The following GALNT1 variants were observed in gnomAD, a reference collection of about 807,000 sequenced individuals.
GALNT1 encodes the protein GalNAc transferase 1.
Under a neutral mutation model 65.7 loss-of-function variants are expected in GALNT1, and 17 were observed. That is an observed-to-expected ratio of 0.26 (90% CI 0.18 to 0.39). The LOEUF (loss-of-function observed/expected upper bound fraction) is 0.39. Ranked by LOEUF, GALNT1 falls within the 10% of genes least tolerant of loss-of-function variation. The probability of loss-of-function intolerance (pLI) is 1.00; values close to 1 mark genes in which losing one functional copy is unlikely to be tolerated. For synonymous variants in GALNT1, 210 were observed against 219.7 expected (o/e 0.96, Z 0.39); for missense variants, 460 against 672.8 (o/e 0.68, Z 3.50).
chr18:35,642,971 A>T (rs1196264566), intron 1 of GALNT1, among the ~76,000 whole-genome samples: 1 of 151,854 alleles, frequency 6.6e-6, no homozygotes, highest in Non-Finnish European at 1.5e-5. Context: ...GGGCAGTGTG[A>T]CTGAGCGCAG....
chr18:35,687,748 A>G (rs974329779), intron 6 of GALNT1, among the ~76,000 whole-genome samples: 4 of 151,340 alleles, frequency 2.6e-5, no homozygotes, highest in Non-Finnish European at 5.9e-5. Context: ...TTTTTTCAGG[A>G]TGGAATAAAA....
intron 4 of GALNT1, among the ~76,000 whole-genome samples, chr18:35,679,696 G>A (rs2047760663): frequency 6.6e-6 from 1 of 152,098 alleles, no homozygotes. Context: ...CCGGTATCTG[G>A]GAGACAGTAG....
At chr18:35,598,315 G>A (rs927857467) in intron 1 of GALNT1, among the ~76,000 whole-genome samples, 5 of 151,866 alleles carry the variant, frequency 3.3e-5, no homozygotes, top group Admixed American at 1.3e-4. Flanking sequence ...GATTACAGGC[G>A]TGAGCCACTG....
rs16966925 is a variant in GALNT1 at position 35,626,152 on chromosome 18, G to A, written c.-103-28408G>A. On this transcript the variant is annotated intron_variant, in intron 1 of 11. Transcript: ENST00000269195. ...TTCTCTTTTTTGTGCGCTATAGCCC[G>A]TCACAACTCTCGGCATCTTTTGCAA... 2.9e-3 allele frequency among the ~76,000 whole-genome samples: 438 copies of A among 152,188 alleles called. 2 individuals carry two copies. Among genetic ancestry groups the A allele is most frequent in the African/African-American group, 0.01 (420 of 41,526 alleles).
At chr18:35,614,029 A>T (rs1047557954) in intron 1 of GALNT1, among the ~76,000 whole-genome samples, 1 of 152,214 alleles carries the variant, frequency 6.6e-6, no homozygotes, top group Admixed American at 6.5e-5. Flanking sequence ...TTCACAATTT[A>T]AAAAACCAAA....
chr18:35,695,673 C>T (rs895158401), intron 9 of GALNT1, among the ~76,000 whole-genome samples: 2 of 152,172 alleles, frequency 1.3e-5, no homozygotes, highest in African/African-American at 2.4e-5. Context: ...CTCCCTACCT[C>T]TGAACCTTGT....
intron 1 of GALNT1, among the ~76,000 whole-genome samples, chr18:35,652,036 T>A (rs1016527194): frequency 3.9e-5 from 6 of 151,980 alleles, no homozygotes; most frequent in Non-Finnish European, 7.4e-5. Flanking sequence ...TTTTTTTTTT[T>A]ATTGAACATA....
intron 3 of GALNT1, among the ~76,000 whole-genome samples, chr18:35,667,935 T>G (rs2144495118): frequency 6.6e-6 from 1 of 152,378 alleles, no homozygotes; most frequent in South Asian, 2.1e-4. Flanking sequence ...TTCATTTGTC[T>G]ACTTTCCCTT....
chr18:35,613,650 T>C (rs2144058966), intron 1 of GALNT1, among the ~76,000 whole-genome samples: 1 of 152,324 alleles, frequency 6.6e-6, no homozygotes, highest in South Asian at 2.1e-4. Context: ...CAGAGACCTT[T>C]GTGTAAAGCT....
At chr18:35,621,553 A>T (rs1238877419) in intron 1 of GALNT1, among the ~76,000 whole-genome samples, 1 of 125,048 alleles carries the variant, frequency 8.0e-6, no homozygotes, top group Admixed American at 7.8e-5. Flanking sequence ...TTTGTTCATT[A>T]TCTGTATGTA....
chr18:35,599,366 C>CCTTTTT (rs61028491), intron 1 of GALNT1, among the ~76,000 whole-genome samples: 6,875 of 122,332 alleles, frequency 0.056, 193 homozygotes, highest in Non-Finnish European at 0.064. Flanking sequence ...GAGATTTACA[C>CCTTTTT]TTTTTTTTTT....
chr18:35,603,508 C>G (rs1295995856), intron 1 of GALNT1, among the ~76,000 whole-genome samples: 1 of 152,124 alleles, frequency 6.6e-6, no homozygotes, highest in Non-Finnish European at 1.5e-5. Flanking sequence ...ACATCACTTC[C>G]TCTATACATA....
intron 5 of GALNT1, 31 bp downstream of exon 5, chr18:35,683,629 T>C: frequency 1.9e-6 from 3 of 1,588,472 alleles, no homozygotes; most frequent in Non-Finnish European, 2.6e-6. Context: ...AGTTTGCTTT[T>C]AGTACATTTG....
chr18:35,674,628 A>G (rs2047681875), intron 3 of GALNT1, among the ~76,000 whole-genome samples: 1 of 152,238 alleles, frequency 6.6e-6, no homozygotes, highest in East Asian at 1.9e-4. Context: ...TAGAAAGTTA[A>G]GACTCTTCCC....
chr18:35,639,846 G>T (rs2047138887), intron 1 of GALNT1, among the ~76,000 whole-genome samples: 1 of 152,036 alleles, frequency 6.6e-6, no homozygotes, highest in Non-Finnish European at 1.5e-5. Context: ...CCCCAGGGTG[G>T]AGTGCAGTGG....
chr18:35,675,930 A>G (rs978133063), intron 3 of GALNT1, among the ~76,000 whole-genome samples: 1 of 152,184 alleles, frequency 6.6e-6, no homozygotes, highest in Non-Finnish European at 1.5e-5. Context: ...TTCCAGATAC[A>G]GCTTGCTCAG....
chr18:35,595,639 A>G (rs192117461), intron 1 of GALNT1, among the ~76,000 whole-genome samples: 306 of 152,328 alleles, frequency 2.0e-3, no homozygotes, highest in Non-Finnish European at 3.4e-3. Context: ...GTTTTTGCAT[A>G]AAAAATACTC....
At chr18:35,635,455 A>AAAGATCATTAAC (rs2047076665) in intron 1 of GALNT1, among the ~76,000 whole-genome samples, 1 of 152,174 alleles carries the variant, frequency 6.6e-6, no homozygotes, top group African/African-American at 2.4e-5. Flanking sequence ...GCATACACAA[A>AAAGATCATTAAC]AAGATCATTA....
At chr18:35,637,194 A>G (rs574013340) in intron 1 of GALNT1, among the ~76,000 whole-genome samples, 4 of 152,300 alleles carry the variant, frequency 2.6e-5, no homozygotes, top group Middle Eastern at 3.4e-3. Context: ...TAATAACCCT[A>G]CAGTGGCCTC....
Sources: gnomAD v4.1 joint callset for allele counts (sites outside exome capture counted in the v4.1 genomes callset) on GRCh38, gnomAD v4.1.1 for gene constraint, MANE v1.5 for transcripts, NCBI Gene and HGNC (gene_info 2026-07-23, HGNC 2026-07-21) for gene names.